DCAF4: variants seen among roughly 807,000 people sequenced by gnomAD.
DCAF4 encodes the protein DDB1 and CUL4 associated factor 4.
A neutral mutation model predicts 60.9 loss-of-function variants in DCAF4; 37 were observed. That is an observed-to-expected ratio of 0.61 (90% CI 0.47 to 0.80). The LOEUF (loss-of-function observed/expected upper bound fraction) is 0.80, where lower values mean the gene tolerates loss of function less well. Ranked by LOEUF, DCAF4 falls within the 30% of genes least tolerant of loss-of-function variation. The pLI is 0.00. For synonymous variants in DCAF4, 243 were observed against 254.8 expected (o/e 0.95, Z 0.44); for missense variants, 577 against 650.0 (o/e 0.89, Z 1.22).
intron 8 of DCAF4, among the ~76,000 whole-genome samples, chr14:72,948,651 C>G (rs756672597): frequency 6.6e-6 from 1 of 152,186 alleles, no homozygotes; most frequent in African/African-American, 2.4e-5. Context: ...TGTAATTGGA[C>G]TTAAAGGGAT....
At chr14:72,933,641 C>T (rs1206031934) in intron 1 of DCAF4, among the ~76,000 whole-genome samples, 1 of 151,996 alleles carries the variant, frequency 6.6e-6, no homozygotes, top group East Asian at 1.9e-4. Flanking sequence ...GTCACCATAT[C>T]CTGTTTACTT....
chr14:72,943,844 G>T (rs1333366809), intron 6 of DCAF4, among the ~76,000 whole-genome samples: 1 of 152,180 alleles, frequency 6.6e-6, no homozygotes, highest in Non-Finnish European at 1.5e-5. Flanking sequence ...TCATCTGCTG[G>T]TGGGACTGGA....
chr14:72,937,913 C>T, intron 1 of DCAF4, 58 bp from the exon 2 acceptor site: 2 of 1,497,470 alleles, frequency 1.3e-6, no homozygotes, highest in Non-Finnish European at 8.8e-7. Context: ...AAGAAGCAAA[C>T]AGAAAAGCCC....
intron 13 of DCAF4, among the ~76,000 whole-genome samples, chr14:72,958,275 A>C (rs1410661310): frequency 6.6e-6 from 1 of 152,190 alleles, no homozygotes; most frequent in African/African-American, 2.4e-5. Flanking sequence ...CCTGTCCCTA[A>C]AAAATGGGGG....
downstream of DCAF4, chr14:72,960,595 C>G: frequency 9.5e-7 from 1 of 1,055,402 alleles, no homozygotes; most frequent in Non-Finnish European, 1.2e-6. Flanking sequence ...TTCCCACATT[C>G]AGGATCATGG....
In DCAF4 at chr14:72,946,012, CT is replaced by C; in HGVS notation, c.665del (p.Phe222SerfsTer6). On this transcript the variant is annotated frameshift_variant, in exon 7 of 14. Transcript: ENST00000358377. LOFTEE classifies it high-confidence loss of function. ...AGGTGTTCATGCACGAAAACCTCTA[CT>C]TCACCAACCGGAAGGTACGTTGCCC... is the stretch of plus-strand genomic sequence containing the variant. ...LKVFMHENLY[F>X]TNRKVNSVCW... 6.2e-7 allele frequency: 1 copy of C among 1,614,100 alleles called. No individual in the cohort carries two copies. The highest frequency in any genetic ancestry group is 8.5e-7 in the Non-Finnish European group (1 of 1,180,032).
chr14:72,958,874 T>C lies in DCAF4; in HGVS notation c.*69T>C, dbSNP rs887510733. On this transcript the variant is annotated 3_prime_UTR_variant, in exon 14 of 14. Coordinates refer to ENST00000358377, the MANE Select transcript of DCAF4 (RefSeq NM_015604.4). ...GAGTAAAGCGTAACTTTTTACTGCATCTAATGAGGGTGTTTTAAGTGACAC... is the reference window on the plus strand; with the variant it reads ...GAGTAAAGCGTAACTTTTTACTGCACCTAATGAGGGTGTTTTAAGTGACAC... 5 of 1,505,564 alleles carry C rather than the reference T, an allele frequency of 3.3e-6. No homozygotes were observed. The highest frequency in any genetic ancestry group is 4.4e-6 in the Non-Finnish European group (5 of 1,131,180). 93.3% of individuals were successfully genotyped at this position (1,505,564 alleles called of 1,614,324 possible). A position where few individuals can be genotyped will look rare whatever the true frequency, so the allele number is the denominator to read the frequency against.
intron 1 of DCAF4, among the ~76,000 whole-genome samples, chr14:72,933,098 C>T (rs1427809322): frequency 6.6e-6 from 1 of 152,140 alleles, no homozygotes; most frequent in Non-Finnish European, 1.5e-5. Flanking sequence ...GGGTGGTTAG[C>T]AGCATCCCTG....
chr14:72,955,485 C>G, intron 11 of DCAF4, 38 bp from the exon 12 acceptor site: 5 of 1,601,472 alleles, frequency 3.1e-6, no homozygotes, highest in Non-Finnish European at 4.3e-6. Context: ...AGAGGGATGT[C>G]ATGATAGCCA....
downstream of DCAF4, chr14:72,960,515 A>T: frequency 3.2e-6 from 2 of 630,238 alleles, no homozygotes; most frequent in Non-Finnish European, 4.1e-6. Context: ...TCCTTCTCCC[A>T]CCAGCAAACC....
chr14:72,953,240 T>A (rs977850115), intron 9 of DCAF4, among the ~76,000 whole-genome samples: 1 of 151,728 alleles, frequency 6.6e-6, no homozygotes, highest in Non-Finnish European at 1.5e-5. Context: ...CCTCAGGTGA[T>A]CCACCCGCTT....
rs1890821863 is a variant in DCAF4 at position 72,947,008 on chromosome 14, G to T, written c.679-134G>T. On this transcript the variant is annotated intron_variant, in intron 7 of 13. Transcript: ENST00000358377. ...CCTGCTTAAGCCCCACCCTCAGAAT[G>T]CTTGTTCCAGCCCATTTGAAGAGGA... The T allele has an allele frequency of 5.0e-6, 6 of 1,188,372 alleles. No individual in the cohort carries two copies. The South Asian group carries it at 7.7e-5, about 15-fold the overall frequency. 73.6% of individuals were successfully genotyped at this position (1,188,372 alleles called of 1,614,324 possible).
At position 72,937,410 on chromosome 14, in the gene DCAF4, C is replaced by CTTTT. The variant is rs11288108; in HGVS notation, c.-8-544_-8-541dup. 8.6e-4 allele frequency among the ~76,000 whole-genome samples: 91 copies of CTTTT among 105,716 alleles called. 1 individual carries two copies. The highest frequency in any genetic ancestry group is 1.4e-3 in the East Asian group (5 of 3,562). 69.4% of individuals were successfully genotyped at this position (105,716 alleles called of 152,430 possible). A position where few individuals can be genotyped will look rare whatever the true frequency, so the allele number is the denominator to read the frequency against. On this transcript the variant is annotated intron_variant, in intron 1 of 13. Coordinates refer to ENST00000358377, the MANE Select transcript of DCAF4 (RefSeq NM_015604.4). ...TTTCATGCCTGGCAATTTTTCTTTT[C>CTTTT]TTTTTTTTTTTTTTTTTTTTGAGAT... is the stretch of plus-strand genomic sequence containing the variant.
chr14:72,951,929 G>A (rs748479610), intron 9 of DCAF4, 52 bp downstream of exon 9: 4 of 1,597,672 alleles, frequency 2.5e-6, no homozygotes, highest in Non-Finnish European at 3.4e-6. Flanking sequence ...CCCGAGAGCT[G>A]TGTGGGGGTG....
chr14:72,955,088 GC>G (rs1892082949), intron 11 of DCAF4, among the ~76,000 whole-genome samples: 1 of 149,684 alleles, frequency 6.7e-6, no homozygotes, highest in Non-Finnish European at 1.5e-5. Flanking sequence ...TCCAGCCTGG[GC>G]AACAGAGCAA....
downstream of DCAF4, chr14:72,960,787 C>A: frequency 1.8e-6 from 1 of 548,920 alleles, no homozygotes; most frequent in Non-Finnish European, 2.4e-6. Flanking sequence ...GGGACTGCAT[C>A]TTTCCAGCTT....
intron 5 of DCAF4, 148 bp downstream of exon 5, chr14:72,941,972 C>T (rs1434376641): frequency 6.5e-6 from 5 of 764,606 alleles, no homozygotes; most frequent in Non-Finnish European, 1.1e-5. Flanking sequence ...CACACCCTGC[C>T]TTCTGCTGCT....
intron 7 of DCAF4, among the ~76,000 whole-genome samples, 177 bp downstream of exon 7, chr14:72,946,204 T>G (rs1890717532): frequency 1.4e-5 from 2 of 145,132 alleles, no homozygotes; most frequent in South Asian, 4.4e-4. Flanking sequence ...CAGCATAACA[T>G]GCATGGTGAA....
intron 1 of DCAF4, among the ~76,000 whole-genome samples, chr14:72,929,188 T>A (rs1190131320): frequency 6.6e-6 from 1 of 151,064 alleles, no homozygotes; most frequent in Non-Finnish European, 1.5e-5. Context: ...AATGGTGCCC[T>A]GGAAGCAGGA....
Sources: allele counts gnomAD v4.1 joint callset (sites outside exome capture counted in the v4.1 genomes callset), GRCh38; gene constraint gnomAD v4.1.1; transcripts MANE v1.5; gene names NCBI Gene and HGNC (gene_info 2026-07-23, HGNC 2026-07-21).